The following LRRC28 variants were observed in gnomAD, a reference collection of about 807,000 sequenced individuals.
LRRC28 encodes the protein leucine-rich repeat-containing protein 28.
Under a neutral mutation model 45.7 loss-of-function variants are expected in LRRC28, and 39 were observed. The ratio of observed to expected loss-of-function variants is 0.85; its 90% confidence interval spans 0.66 to 1.12. The LOEUF (loss-of-function observed/expected upper bound fraction) is 1.12. LRRC28 is among the 50% of genes most tolerant of loss of function. The pLI is 0.00. For missense variants in LRRC28, 435 were observed against 438.5 expected (o/e 0.99, Z 0.07); for synonymous variants, 206 against 178.8 (o/e 1.15, Z -1.22).
At chr15:99,288,845 A>G (rs141020548) in intron 5 of LRRC28, among the ~76,000 whole-genome samples, 13,854 of 151,568 alleles carry the variant, frequency 0.091, 680 homozygotes, top group African/African-American at 0.13. Context: ...ATGCCTGGCT[A>G]ATTTTTGTAT....
chr15:99,268,286 A>G (rs111520918), intron 2 of LRRC28, among the ~76,000 whole-genome samples: 5 of 152,168 alleles, frequency 3.3e-5, no homozygotes, highest in African/African-American at 9.7e-5. Flanking sequence ...ATTTTTAAAC[A>G]TGTATCATTC....
At chr15:99,356,924 T>C (rs1957062464) in intron 7 of LRRC28, among the ~76,000 whole-genome samples, 1 of 152,180 alleles carries the variant, frequency 6.6e-6, no homozygotes, top group African/African-American at 2.4e-5. Flanking sequence ...CAACTCAGAA[T>C]TATATAAATA....
At chr15:99,287,432 A>T in intron 4 of LRRC28, 138 bp downstream of exon 4, 1 of 587,710 alleles carries the variant, frequency 1.7e-6, no homozygotes, top group East Asian at 3.2e-5. Context: ...CCAGTTAAGA[A>T]CTATAATTAA....
chr15:99,292,254 A>G (rs578165577), intron 5 of LRRC28, among the ~76,000 whole-genome samples: 1 of 152,062 alleles, frequency 6.6e-6, no homozygotes, highest in South Asian at 2.1e-4. Flanking sequence ...TGAGGAGATT[A>G]TCTCAGCTCT....
intron 9 of LRRC28, among the ~76,000 whole-genome samples, chr15:99,381,908 G>A (rs1055380244): frequency 6.6e-6 from 1 of 152,200 alleles, no homozygotes; most frequent in Admixed American, 6.5e-5. Flanking sequence ...TCTCAGAGGG[G>A]TACCCAGCTG....
At chr15:99,366,653 A>G (rs930648848) in intron 9 of LRRC28, among the ~76,000 whole-genome samples, 1 of 152,146 alleles carries the variant, frequency 6.6e-6, no homozygotes, top group Non-Finnish European at 1.5e-5. Context: ...CACAAATCCT[A>G]TCATGAGGAT....
chr15:99,264,974 T>C (rs1277884017), intron 2 of LRRC28, among the ~76,000 whole-genome samples: 3 of 152,182 alleles, frequency 2.0e-5, no homozygotes, highest in African/African-American at 7.2e-5. Flanking sequence ...AGATGTGCAC[T>C]GAGGGAGAGA....
Position 99,387,094 on chromosome 15 carries a change from T to A in LRRC28, c.*992T>A, listed in dbSNP as rs551012384. On this transcript the variant is annotated 3_prime_UTR_variant, in exon 10 of 10. Transcript: ENST00000301981. ...TGTTGTTGTTGAGACGGAGTCTCGC[T>A]CTGTCGCCCAGGCTGGAGTGCAGTG... 1 of 151,466 alleles carries A rather than the reference T, an allele frequency of 6.6e-6. No individual in the cohort carries two copies. Among genetic ancestry groups the A allele is most frequent in the African/African-American group, 2.4e-5 (1 of 41,264 alleles). 9.4% of individuals were successfully genotyped at this position (151,466 alleles called of 1,614,324 possible).
intron 3 of LRRC28, chr15:99,284,568 C>A: frequency 2.2e-6 from 1 of 463,794 alleles, no homozygotes. Context: ...TGTAGCTTCC[C>A]TGTCACTTCT....
Position 99,258,207 on chromosome 15 carries a change from G to A in LRRC28, c.168+2082G>A, listed in dbSNP as rs187794361. On this transcript the variant is annotated intron_variant, in intron 2 of 9. Coordinates refer to ENST00000301981, the MANE Select transcript of LRRC28 (RefSeq NM_144598.5). ...ACTTCTGAATTGATTGGCCAGTTTG[G>A]TGTCAGTTTCTATTCCATCTTCCTT... 9.3e-4 allele frequency: 1,504 copies of A among 1,610,558 alleles called. 4 individuals are homozygous for A. Among genetic ancestry groups the A allele is most frequent in the Non-Finnish European group, 1.2e-3 (1,432 of 1,176,764 alleles).
At chr15:99,284,782 T>G (rs1327015977) in intron 3 of LRRC28, 3 of 534,048 alleles carry the variant, frequency 5.6e-6, no homozygotes, top group Non-Finnish European at 1.1e-5. Context: ...GACTGACTAT[T>G]GCAATTGTCA....
chr15:99,277,074 G>A (rs1000890606), intron 3 of LRRC28, among the ~76,000 whole-genome samples: 1 of 151,926 alleles, frequency 6.6e-6, no homozygotes, highest in African/African-American at 2.4e-5. Context: ...TAAATACTAT[G>A]TTTACACCTT....
intron 6 of LRRC28, 23 bp downstream of exon 6, chr15:99,334,152 A>T: frequency 6.2e-7 from 1 of 1,612,716 alleles, no homozygotes; most frequent in African/African-American, 1.3e-5. Flanking sequence ...GTTTAAAGTA[A>T]AGCAGCCAAA....
At chr15:99,268,360 G>C (rs2081385882) in intron 2 of LRRC28, among the ~76,000 whole-genome samples, 1 of 152,140 alleles carries the variant, frequency 6.6e-6, no homozygotes, top group South Asian at 2.1e-4. Flanking sequence ...TGTAGTTTCT[G>C]CCTAGGGAGT....
At chr15:99,291,182 A>G (rs1364907651) in intron 5 of LRRC28, among the ~76,000 whole-genome samples, 1 of 152,108 alleles carries the variant, frequency 6.6e-6, no homozygotes, top group Non-Finnish European at 1.5e-5. Context: ...CACATAATTT[A>G]TTTATATCTC....
intron 5 of LRRC28, among the ~76,000 whole-genome samples, chr15:99,332,283 T>G (rs1187454493): frequency 6.6e-6 from 1 of 152,068 alleles, no homozygotes; most frequent in Admixed American, 6.5e-5. Flanking sequence ...TAAGTTCAAG[T>G]AGAAAACTCC....
chr15:99,357,014 T>G (rs540929643), intron 7 of LRRC28, among the ~76,000 whole-genome samples: 1 of 152,354 alleles, frequency 6.6e-6, no homozygotes, highest in African/African-American at 2.4e-5. Flanking sequence ...TTATTCTTTC[T>G]AGGTGACATA....
At chr15:99,309,107 G>A (rs904927418) in intron 5 of LRRC28, among the ~76,000 whole-genome samples, 2 of 152,076 alleles carry the variant, frequency 1.3e-5, no homozygotes, top group Admixed American at 1.3e-4. Flanking sequence ...TGTGTTTGTG[G>A]GTGTTACCCT....
At chr15:99,373,120 T>C (rs1957530890) in intron 9 of LRRC28, among the ~76,000 whole-genome samples, 1 of 152,180 alleles carries the variant, frequency 6.6e-6, no homozygotes, top group South Asian at 2.1e-4. Context: ...GGGACGCAGC[T>C]AAACCATATG....
Sources: gnomAD v4.1 joint callset for allele counts (sites outside exome capture counted in the v4.1 genomes callset) on GRCh38, gnomAD v4.1.1 for gene constraint, MANE v1.5 for transcripts, NCBI Gene and HGNC (gene_info 2026-07-23, HGNC 2026-07-21) for gene names.